The following MYO5B variants were observed in gnomAD, a reference collection of about 807,000 sequenced individuals.
MYO5B encodes the protein unconventional myosin-Vb.
A neutral mutation model predicts 229.3 loss-of-function variants in MYO5B; 143 were observed. That is an observed-to-expected ratio of 0.62 (90% confidence interval 0.54 to 0.72). The LOEUF is 0.72. Among genes scored for constraint, MYO5B ranks in the 30% least tolerant of loss-of-function variants. The pLI is 0.00. For missense variants in MYO5B, 2,321 were observed against 2,331.0 expected, an observed-to-expected ratio of 1.00 and a Z score of 0.09; for synonymous variants, 918 against 885.2, an observed-to-expected ratio of 1.04 and a Z score of -0.66.
intron 4 of MYO5B, among the ~76,000 whole-genome samples, chr18:50,027,412 A>G (rs2026343041): frequency 6.6e-6 from 1 of 152,190 alleles, no homozygotes; most frequent in Non-Finnish European, 1.5e-5. Flanking sequence ...TTTATGCCTT[A>G]CAGTGACCTG....
intron 18 of MYO5B, among the ~76,000 whole-genome samples, chr18:49,907,753 C>T (rs1181789722): frequency 1.3e-5 from 2 of 152,274 alleles, no homozygotes; most frequent in East Asian, 3.8e-4. Flanking sequence ...TGAGCTAAGG[C>T]TGAGCTTGCA....
At chr18:50,043,655 G>T (rs1236108426) in intron 2 of MYO5B, among the ~76,000 whole-genome samples, 13 of 133,412 alleles carry the variant, frequency 9.7e-5, no homozygotes, top group Middle Eastern at 4.1e-3. Flanking sequence ...TTATAAATAT[G>T]TAAATATATA....
At chr18:50,042,713 A>G (rs1351588408) in intron 2 of MYO5B, among the ~76,000 whole-genome samples, 2 of 152,154 alleles carry the variant, frequency 1.3e-5, no homozygotes, top group Non-Finnish European at 2.9e-5. Flanking sequence ...CCCACAAAGC[A>G]TCCCAACCAC....
At chr18:50,037,778 C>A (rs867542090) in intron 3 of MYO5B, among the ~76,000 whole-genome samples, 1 of 152,128 alleles carries the variant, frequency 6.6e-6, no homozygotes, top group Admixed American at 6.5e-5. Context: ...GACCTGTAGT[C>A]CCAGCTGCTC....
At chr18:49,997,303 T>C (rs2025999100) in intron 5 of MYO5B, among the ~76,000 whole-genome samples, 2 of 130,338 alleles carry the variant, frequency 1.5e-5, no homozygotes, top group Admixed American at 7.7e-5. Flanking sequence ...AAAAAGCAAA[T>C]CCTGAAAATA....
chr18:49,874,655 G>A (rs1466372086), intron 26 of MYO5B, among the ~76,000 whole-genome samples: 1 of 152,226 alleles, frequency 6.6e-6, no homozygotes, highest in Non-Finnish European at 1.5e-5. Context: ...GGACACAGAA[G>A]TGAGGGAAGG....
intron 22 of MYO5B, among the ~76,000 whole-genome samples, chr18:49,883,227 C>T (rs975410025): frequency 2.0e-5 from 3 of 152,198 alleles, no homozygotes; most frequent in Non-Finnish European, 4.4e-5. Flanking sequence ...ATGCTATCTG[C>T]AGATGACACA....
At chr18:49,934,844 G>C (rs1223087439) in intron 16 of MYO5B, among the ~76,000 whole-genome samples, 1 of 152,210 alleles carries the variant, frequency 6.6e-6, no homozygotes, top group East Asian at 1.9e-4. Flanking sequence ...TGACCAGAGT[G>C]TAGAAGGCAG....
chr18:50,087,955 G>C (rs573366976), intron 1 of MYO5B, among the ~76,000 whole-genome samples: 1 of 152,236 alleles, frequency 6.6e-6, no homozygotes, highest in Non-Finnish European at 1.5e-5. Context: ...GGGTACCACA[G>C]AAACTCTGAG....
At chr18:50,124,988 G>A (rs2032134531) in intron 1 of MYO5B, among the ~76,000 whole-genome samples, 1 of 151,992 alleles carries the variant, frequency 6.6e-6, no homozygotes, top group African/African-American at 2.4e-5. Flanking sequence ...ATAAGCAGCT[G>A]GAGCAGAAGT....
At chr18:50,119,856 T>G (rs1315316784) in intron 1 of MYO5B, among the ~76,000 whole-genome samples, 1 of 152,228 alleles carries the variant, frequency 6.6e-6, no homozygotes, top group Non-Finnish European at 1.5e-5. Flanking sequence ...ATTAGTTTGC[T>G]GTGATACCTT....
chr18:50,000,056 A>G (rs2026029198), intron 5 of MYO5B, among the ~76,000 whole-genome samples: 1 of 152,232 alleles, frequency 6.6e-6, no homozygotes, highest in African/African-American at 2.4e-5. Context: ...AAAGTCCTCA[A>G]AGTAACGCAA....
At chr18:50,046,784 G>A (rs1033135608) in intron 2 of MYO5B, among the ~76,000 whole-genome samples, 61 of 152,020 alleles carry the variant, frequency 4.0e-4, no homozygotes, top group Non-Finnish European at 7.2e-4. Context: ...AAATAACGCC[G>A]CATATCTACA....
intron 4 of MYO5B, among the ~76,000 whole-genome samples, chr18:50,002,089 CT>C (rs2026054606): frequency 6.6e-6 from 1 of 152,026 alleles, no homozygotes; most frequent in Non-Finnish European, 1.5e-5. Flanking sequence ...ATCATCTCCC[CT>C]TTGTTTCCCT....
intron 1 of MYO5B, among the ~76,000 whole-genome samples, chr18:50,161,191 C>A (rs1337781846): frequency 1.3e-5 from 2 of 152,208 alleles, no homozygotes. Context: ...TGAGACCAGC[C>A]TGGTCAACAT....
intron 1 of MYO5B, among the ~76,000 whole-genome samples, chr18:50,149,487 A>C (rs1482527976): frequency 2.0e-5 from 3 of 152,046 alleles, no homozygotes; most frequent in African/African-American, 7.2e-5. Context: ...CAAAAGAGAG[A>C]TATAGATCAA....
At chr18:49,878,799 G>C in intron 24 of MYO5B, 146 bp downstream of exon 24, 1 of 975,468 alleles carries the variant, frequency 1.0e-6, no homozygotes, top group Non-Finnish European at 1.6e-6. Flanking sequence ...AGCTACCTTT[G>C]CCTCTCTGCA....
At chr18:49,972,091 A>T (rs1277617750) in intron 10 of MYO5B, among the ~76,000 whole-genome samples, 1 of 152,160 alleles carries the variant, frequency 6.6e-6, no homozygotes, top group African/African-American at 2.4e-5. Context: ...CCACTCTGAG[A>T]TGAAGGAGAC....
At chr18:50,017,883 C>A (rs1002252954) in intron 4 of MYO5B, among the ~76,000 whole-genome samples, 1 of 152,208 alleles carries the variant, frequency 6.6e-6, no homozygotes, top group Admixed American at 6.5e-5. Flanking sequence ...CGCCAGTTAA[C>A]ATTAAATTCT....
Sources: gnomAD v4.1 joint callset for allele counts (sites outside exome capture counted in the v4.1 genomes callset) on GRCh38, gnomAD v4.1.1 for gene constraint, MANE v1.5 for transcripts, NCBI Gene and HGNC (gene_info 2026-07-23, HGNC 2026-07-21) for gene names.